The following GARIN1A variants were observed in gnomAD, a reference collection of about 807,000 sequenced individuals.
GARIN1A encodes golgi associated RAB2 interactor 1A, also known as Golgi-associated RAB2 interactor protein 1A.
At chr7:128,692,247 G>A in the GARIN1A span, among the ~76,000 whole-genome samples, 70 of 152,308 alleles carry the variant, frequency 4.6e-4, no homozygotes, top group Non-Finnish European at 8.7e-4. Context: ...GTGTGTACCT[G>A]CCAGTGCCTG....
the GARIN1A span, among the ~76,000 whole-genome samples, chr7:128,696,722 G>A: frequency 6.6e-6 from 1 of 152,204 alleles, no homozygotes; most frequent in Non-Finnish European, 1.5e-5. Flanking sequence ...CTCCACCACA[G>A]AAGGTGTTTG....
chr7:128,693,520 C>T, the GARIN1A span: 8 of 185,156 alleles, frequency 4.3e-5, no homozygotes, highest in East Asian at 2.8e-4. Context: ...TGGGAGGTCA[C>T]GGACCACAGC....
the GARIN1A span, chr7:128,691,410 G>A: frequency 6.6e-6 from 1 of 152,228 alleles, no homozygotes. Flanking sequence ...CATAAGGTAG[G>A]CTGTTAACAG....
At chr7:128,706,661 G>A in the GARIN1A span, among the ~76,000 whole-genome samples, 1 of 152,178 alleles carries the variant, frequency 6.6e-6, no homozygotes, top group South Asian at 2.1e-4. Flanking sequence ...TTACTTATTT[G>A]CTCATGTAAC....
the GARIN1A span, among the ~76,000 whole-genome samples, chr7:128,680,412 C>T: frequency 6.6e-6 from 1 of 152,196 alleles, no homozygotes; most frequent in Non-Finnish European, 1.5e-5. Context: ...AAAATTAATT[C>T]AAAGAAGTGT....
At chr7:128,693,264 CAGTT>C in the GARIN1A span, among the ~76,000 whole-genome samples, 3 of 152,216 alleles carry the variant, frequency 2.0e-5, no homozygotes, top group Admixed American at 6.5e-5. Context: ...GAAATAGTCA[CAGTT>C]AGAGTATTCT....
chr7:128,682,886 T>A, the GARIN1A span: 11 of 1,239,752 alleles, frequency 8.9e-6, no homozygotes, highest in Non-Finnish European at 1.2e-5. Context: ...TGAAAGTGGT[T>A]TTTAAGTTAA....
chr7:128,704,461 C>T, the GARIN1A span, among the ~76,000 whole-genome samples: 1 of 152,080 alleles, frequency 6.6e-6, no homozygotes, highest in African/African-American at 2.4e-5. Flanking sequence ...TGTGCCACCA[C>T]ACCTGGCTAA....
At chr7:128,677,841 C>T in the GARIN1A span, 31 of 1,591,694 alleles carry the variant, frequency 1.9e-5, no homozygotes, top group Admixed American at 1.8e-5. Flanking sequence ...CGGGACCTGT[C>T]GAGAAATAAG....
At chr7:128,690,150 G>A in the GARIN1A span, among the ~76,000 whole-genome samples, 3 of 152,158 alleles carry the variant, frequency 2.0e-5, no homozygotes, top group African/African-American at 7.2e-5. Flanking sequence ...GTCCACTCAG[G>A]GTTAAATGGA....
the GARIN1A span, among the ~76,000 whole-genome samples, chr7:128,676,203 G>T: frequency 3.3e-5 from 5 of 151,826 alleles, no homozygotes; most frequent in African/African-American, 1.2e-4. Context: ...GTAGAGATGG[G>T]GTTTCACTGT....
the GARIN1A span, among the ~76,000 whole-genome samples, chr7:128,681,788 C>T: frequency 6.6e-6 from 1 of 152,010 alleles, no homozygotes; most frequent in Non-Finnish European, 1.5e-5. Flanking sequence ...CAGTCATGAG[C>T]CATCACAGCT....
the GARIN1A span, among the ~76,000 whole-genome samples, chr7:128,695,540 T>C: frequency 1.2e-3 from 179 of 152,304 alleles, 4 homozygotes; most frequent in South Asian, 0.031. This position sits in a 1 kb window ranked among gnomAD's most constrained non-coding sequence, Gnocchi z 4.5. Context: ...TTAAATTTTA[T>C]TTTTATTTTT....
At chr7:128,689,442 G>A in the GARIN1A span, among the ~76,000 whole-genome samples, 2 of 151,452 alleles carry the variant, frequency 1.3e-5, no homozygotes, top group Non-Finnish European at 2.9e-5. Flanking sequence ...CTGCCCGGCC[G>A]TGACCCCGAC....
the GARIN1A span, among the ~76,000 whole-genome samples, chr7:128,674,723 C>T: frequency 0.014 from 2,072 of 152,154 alleles, 50 homozygotes; most frequent in African/African-American, 0.047. Flanking sequence ...TGGGAAATTA[C>T]ATTTCAGTCA....
chr7:128,678,880 A>G, the GARIN1A span, among the ~76,000 whole-genome samples: 1 of 151,688 alleles, frequency 6.6e-6, no homozygotes, highest in African/African-American at 2.4e-5. Context: ...ATTTCCTAGT[A>G]TAATAGGTAA....
the GARIN1A span, among the ~76,000 whole-genome samples, chr7:128,681,695 G>A: frequency 9.9e-5 from 15 of 151,914 alleles, no homozygotes; most frequent in Admixed American, 3.3e-4. Context: ...TAGAGACAAG[G>A]TCTTGCTATG....
chr7:128,684,497 T>C, the GARIN1A span: 2 of 150,418 alleles, frequency 1.3e-5, no homozygotes, highest in African/African-American at 4.9e-5. Flanking sequence ...ACACCTGTAG[T>C]CCCAGCTACT....
At chr7:128,676,969 T>TC in the GARIN1A span, among the ~76,000 whole-genome samples, 2 of 150,564 alleles carry the variant, frequency 1.3e-5, no homozygotes, top group Non-Finnish European at 3.0e-5. Context: ...AGCCAGGAGT[T>TC]CAAGACCAAC....
Sources: allele counts gnomAD v4.1 joint callset (sites outside exome capture counted in the v4.1 genomes callset), GRCh38; gene constraint gnomAD v4.1.1; non-coding constraint Gnocchi (gnomAD v3.1); transcripts MANE v1.5; gene names NCBI Gene and HGNC (gene_info 2026-07-23, HGNC 2026-07-21).